TCF12: variants seen among roughly 807,000 people sequenced by gnomAD.
The protein encoded by TCF12 is transcription factor 12.
A neutral mutation model predicts 86.0 loss-of-function variants in TCF12; 45 were observed. The ratio of observed to expected loss-of-function variants is 0.52; its 90% confidence interval spans 0.41 to 0.67. The LOEUF (loss-of-function observed/expected upper bound fraction) is 0.67, where lower values mean the gene tolerates loss of function less well. Among genes scored for constraint, TCF12 ranks in the 30% least tolerant of loss-of-function variants. TCF12 has a pLI of 0.00. For missense variants in TCF12, 881 were observed against 859.9 expected (o/e 1.02, Z -0.31); for synonymous variants, 330 against 299.6 (o/e 1.10, Z -1.05).
At chr15:57,038,335 G>C (rs1338920173) in intron 3 of TCF12, among the ~76,000 whole-genome samples, 3 of 152,054 alleles carry the variant, frequency 2.0e-5, no homozygotes, top group African/African-American at 7.2e-5. Context: ...GGCTGAGACA[G>C]GGGGATTGCT....
At position 57,273,040 on chromosome 15, in the gene TCF12, G is replaced by A. The variant is rs1224809098; in HGVS notation, c.1756G>A (p.Glu586Lys). 2 of 1,614,016 alleles carry A rather than the reference G, an allele frequency of 1.2e-6. No individual in the cohort carries two copies. Among genetic ancestry groups the A allele is most frequent in the Non-Finnish European group, 1.7e-6 (2 of 1,179,996 alleles). ...SSRGRTSSTN[E>K]DEDLNPEQKI... ...TACTTTATTTTCTAGCAGTACTAAT[G>A]AAGATGAGGATTTGAACCCTGAACA... The change falls in exon 19 of 21, where the codon GAA (glutamate) becomes AAA (lysine). Residue 586 changes from glutamate (E) to lysine (K), a missense_variant. Glu to Lys is a moderately conservative substitution (Grantham distance 56). Coordinates refer to ENST00000333725, the MANE Select transcript of TCF12 (RefSeq NM_207037.2).
At chr15:56,961,305 A>G (rs1184644036) in intron 3 of TCF12, among the ~76,000 whole-genome samples, 2 of 152,194 alleles carry the variant, frequency 1.3e-5, no homozygotes, top group Non-Finnish European at 2.9e-5. Context: ...AGAAATATAT[A>G]CCGTTTTGGA....
At chr15:57,139,368 T>G (rs528487333) in intron 5 of TCF12, among the ~76,000 whole-genome samples, 2 of 152,320 alleles carry the variant, frequency 1.3e-5, no homozygotes, top group South Asian at 2.1e-4. Context: ...TATAGATGTT[T>G]CAGAAATCAT....
chr15:57,116,747 A>G (rs1372054779), intron 5 of TCF12, among the ~76,000 whole-genome samples: 2 of 152,178 alleles, frequency 1.3e-5, no homozygotes, highest in Admixed American at 6.5e-5. Flanking sequence ...GGGAGGTTAC[A>G]GTTTATGTAA....
intron 8 of TCF12, chr15:57,219,468 C>G: frequency 6.3e-7 from 1 of 1,586,910 alleles, no homozygotes; most frequent in Non-Finnish European, 8.6e-7. Flanking sequence ...GGATATATGT[C>G]TTGGAGAGAG....
At chr15:57,191,333 A>C (rs538140949) in intron 6 of TCF12, among the ~76,000 whole-genome samples, 2 of 152,278 alleles carry the variant, frequency 1.3e-5, no homozygotes, top group South Asian at 4.1e-4. Flanking sequence ...GTGTGGTGGC[A>C]CATGCCTGTA....
At chr15:57,238,635 T>C (rs2059477485) in intron 12 of TCF12, among the ~76,000 whole-genome samples, 1 of 152,224 alleles carries the variant, frequency 6.6e-6, no homozygotes, top group Admixed American at 6.5e-5. Flanking sequence ...CTACCATTTA[T>C]TGAGTCCTGC....
At chr15:57,074,631 C>T (rs2069726301) in intron 4 of TCF12, among the ~76,000 whole-genome samples, 1 of 152,158 alleles carries the variant, frequency 6.6e-6, no homozygotes, top group African/African-American at 2.4e-5. Context: ...CCTTAGCCTC[C>T]TGATTAGTTG....
intron 5 of TCF12, among the ~76,000 whole-genome samples, chr15:57,162,030 G>A (rs901444773): frequency 4.6e-5 from 7 of 152,166 alleles, no homozygotes; most frequent in Non-Finnish European, 2.9e-5. Context: ...TGCACACACC[G>A]ATACCTATAC....
rs560312029 is a variant in TCF12 at position 56,958,793 on chromosome 15, G to T, written c.148+37695G>T. ...TTGGGAGGCCTGGGATGCAGAGACA[G>T]GAGGATCACTTGAGGCCAGGGGTTT... On this transcript the variant is annotated intron_variant, in intron 3 of 20. Transcript: ENST00000333725. Among the ~76,000 whole-genome samples, 16 of 152,130 alleles carry T rather than the reference G, an allele frequency of 1.1e-4. No individual in the cohort carries two copies. In the South Asian group the frequency reaches 3.3e-3, roughly 32 times the overall value.
At chr15:57,031,241 A>T (rs1208837804) in intron 3 of TCF12, among the ~76,000 whole-genome samples, 1 of 152,124 alleles carries the variant, frequency 6.6e-6, no homozygotes, top group Non-Finnish European at 1.5e-5. Flanking sequence ...CTGTCAAGTG[A>T]TTGCTAAGGG....
chr15:57,130,908 C>A (rs1276324717), intron 5 of TCF12, among the ~76,000 whole-genome samples: 2 of 152,138 alleles, frequency 1.3e-5, no homozygotes, highest in Non-Finnish European at 2.9e-5. Flanking sequence ...CCAAAAGTCA[C>A]AAAATTGGTA....
intron 3 of TCF12, among the ~76,000 whole-genome samples, chr15:56,942,551 A>G (rs1179844944): frequency 6.6e-6 from 1 of 152,228 alleles, no homozygotes; most frequent in African/African-American, 2.4e-5. Flanking sequence ...ATTATAAACA[A>G]TATATTTCAA....
intron 3 of TCF12, among the ~76,000 whole-genome samples, chr15:56,973,629 A>C (rs1210383405): frequency 6.6e-6 from 1 of 152,158 alleles, no homozygotes; most frequent in Middle Eastern, 3.2e-3. Flanking sequence ...TGCATTGGTT[A>C]GTAATTGATT....
chr15:57,272,153 G>A (rs1445546547), intron 18 of TCF12, among the ~76,000 whole-genome samples: 4 of 152,166 alleles, frequency 2.6e-5, no homozygotes, highest in Non-Finnish European at 5.9e-5. Context: ...TTGTCTGAAT[G>A]TACTATGATT....
chr15:57,286,829 T>C lies in TCF12; in HGVS notation c.*684T>C, dbSNP rs993026282. 3 of 374,958 alleles carry C rather than the reference T, an allele frequency of 8.0e-6. No homozygotes were observed. Among genetic ancestry groups the C allele is most frequent in the East Asian group, 7.2e-5 (1 of 13,956 alleles). 23.2% of individuals were successfully genotyped at this position (374,958 alleles called of 1,614,324 possible). A position where few individuals can be genotyped will look rare whatever the true frequency, so the allele number is the denominator to read the frequency against. ...TTTTATTTTCTCTTTGTGGGTGTTA[T>C]ATTTGATCTCTAAATCTGAACAGTT... is the stretch of plus-strand genomic sequence containing the variant. On this transcript the variant is annotated 3_prime_UTR_variant, in exon 21 of 21. Transcript: ENST00000333725.
At chr15:56,998,311 G>T (rs538453770) in intron 3 of TCF12, among the ~76,000 whole-genome samples, 1 of 152,028 alleles carries the variant, frequency 6.6e-6, no homozygotes. Context: ...ACAAAAATTA[G>T]TTGGGTGTGG....
intron 8 of TCF12, among the ~76,000 whole-genome samples, chr15:57,204,776 G>A (rs562821696): frequency 3.8e-4 from 58 of 151,602 alleles, no homozygotes; most frequent in Admixed American, 3.7e-3. Flanking sequence ...TTTTTTAATA[G>A]GAAAGAGATG....
At chr15:57,140,422 T>C (rs1259403013) in intron 5 of TCF12, among the ~76,000 whole-genome samples, 1 of 152,194 alleles carries the variant, frequency 6.6e-6, no homozygotes, top group Admixed American at 6.5e-5. Context: ...AGGTTCATCA[T>C]CCAACAACCC....
Sources: allele counts gnomAD v4.1 joint callset (sites outside exome capture counted in the v4.1 genomes callset), GRCh38; gene constraint gnomAD v4.1.1; transcripts MANE v1.5; gene names NCBI Gene and HGNC (gene_info 2026-07-23, HGNC 2026-07-21).